TRIM44: variants seen among roughly 807,000 people sequenced by gnomAD.
TRIM44 encodes the protein tripartite motif-containing protein 44.
A neutral mutation model predicts 37.4 loss-of-function variants in TRIM44; 13 were observed. The observed-to-expected ratio is 0.35, with a 90% CI of 0.23 to 0.55. The LOEUF is 0.55. Among genes scored for constraint, TRIM44 ranks in the 20% least tolerant of loss-of-function variants. TRIM44 has a pLI of 0.89. For synonymous variants in TRIM44, 175 were observed against 157.2 expected, an observed-to-expected ratio of 1.11 and a Z score of -0.85; for missense variants, 426 against 437.2, an observed-to-expected ratio of 0.97 and a Z score of 0.23.
At chr11:35,799,630 T>C (rs1246546671) in intron 4 of TRIM44, among the ~76,000 whole-genome samples, 1 of 152,230 alleles carries the variant, frequency 6.6e-6, no homozygotes, top group East Asian at 1.9e-4. Context: ...TAGAGTCTGA[T>C]TGCTTAACCT....
chr11:35,704,238 C>T (rs192538082), intron 2 of TRIM44, among the ~76,000 whole-genome samples: 127 of 152,286 alleles, frequency 8.3e-4, no homozygotes, highest in African/African-American at 2.9e-3. Context: ...CGAACAAAGC[C>T]TCCATGAAAT....
At chr11:35,765,854 G>T (rs921077112) in intron 4 of TRIM44, among the ~76,000 whole-genome samples, 3 of 151,956 alleles carry the variant, frequency 2.0e-5, no homozygotes, top group Admixed American at 2.0e-4. Context: ...TTCTTCTTTG[G>T]TATAACTATG....
chr11:35,716,527 C>T (rs1852041152), intron 2 of TRIM44, among the ~76,000 whole-genome samples: 1 of 152,114 alleles, frequency 6.6e-6, no homozygotes. Flanking sequence ...TGCAGCCAGA[C>T]TGGTAAAGGG....
intron 1 of TRIM44, 64 bp downstream of exon 1, chr11:35,663,844 G>A: frequency 6.6e-7 from 1 of 1,518,976 alleles, no homozygotes; most frequent in South Asian, 1.3e-5. Context: ...AACTCAGGTG[G>A]CCTGGCTGTG....
At chr11:35,735,648 A>G (rs1852318880) in intron 4 of TRIM44, among the ~76,000 whole-genome samples, 1 of 152,180 alleles carries the variant, frequency 6.6e-6, no homozygotes, top group South Asian at 2.1e-4. Flanking sequence ...ACCTTCAGAT[A>G]AGTAACTTTG....
chr11:35,697,797 G>A (rs1343848382), intron 2 of TRIM44, among the ~76,000 whole-genome samples: 1 of 151,956 alleles, frequency 6.6e-6, no homozygotes, highest in Non-Finnish European at 1.5e-5. Context: ...CATTTTTTAT[G>A]GCTGCATAGT....
chr11:35,724,030 A>G (rs1399444276), intron 2 of TRIM44, among the ~76,000 whole-genome samples: 1 of 152,184 alleles, frequency 6.6e-6, no homozygotes. Context: ...CATTTAATAC[A>G]CTTTCCCATT....
rs1853593424 is a variant in TRIM44, at chr11:35,817,515, C to G, written c.*11130C>G. On this transcript the variant is annotated 3_prime_UTR_variant, in exon 5 of 5. Transcript: ENST00000299413. The stretch of plus-strand genomic sequence containing the variant: ...TGTTCCTCTAAGAGTCCCAAGTCAT[C>G]TTTTTTCTCTCCGTGTGTGTTAGCA... 1 of 152,084 alleles carries G rather than the reference C, an allele frequency of 6.6e-6. No individual in the cohort carries two copies. The highest frequency in any genetic ancestry group is 6.5e-5 in the Admixed American group (1 of 15,270). 9.4% of individuals were successfully genotyped at this position (152,084 alleles called of 1,614,324 possible).
chr11:35,743,834 A>C (rs1429479229), intron 4 of TRIM44, among the ~76,000 whole-genome samples: 2 of 152,202 alleles, frequency 1.3e-5, no homozygotes. Context: ...TGTCCATGAT[A>C]CCTTGGCGTG....
At chr11:35,735,700 T>C (rs966231067) in intron 4 of TRIM44, among the ~76,000 whole-genome samples, 1 of 152,160 alleles carries the variant, frequency 6.6e-6, no homozygotes, top group Non-Finnish European at 1.5e-5. Flanking sequence ...TTAAGAAGAA[T>C]AGGCACTACA....
chr11:35,671,400 T>G (rs1240098229), intron 1 of TRIM44, among the ~76,000 whole-genome samples: 1 of 152,196 alleles, frequency 6.6e-6, no homozygotes, highest in East Asian at 1.9e-4. Flanking sequence ...GAAATGACTT[T>G]GTGGGTGATT....
intron 4 of TRIM44, among the ~76,000 whole-genome samples, chr11:35,757,748 C>T (rs1056256424): frequency 4.6e-5 from 7 of 152,104 alleles, no homozygotes; most frequent in African/African-American, 1.4e-4. Context: ...GCTTTCATTT[C>T]GTTATGTACC....
At chr11:35,710,812 A>G (rs1018978601) in intron 2 of TRIM44, among the ~76,000 whole-genome samples, 3 of 152,210 alleles carry the variant, frequency 2.0e-5, no homozygotes, top group African/African-American at 7.2e-5. Context: ...AGTTTCTCCA[A>G]ATAATCAGCT....
chr11:35,762,404 A>G (rs566158908), intron 4 of TRIM44, among the ~76,000 whole-genome samples: 1 of 152,260 alleles, frequency 6.6e-6, no homozygotes, highest in South Asian at 2.1e-4. Context: ...TGGAGCTCTG[A>G]GTCAAGGTGA....
chr11:35,668,058 C>G (rs1456206142), intron 1 of TRIM44, among the ~76,000 whole-genome samples: 5 of 152,026 alleles, frequency 3.3e-5, no homozygotes, highest in African/African-American at 1.2e-4. Context: ...ATATTTCTTC[C>G]TATATTGATT....
chr11:35,790,796 G>T (rs1253171668), intron 4 of TRIM44, among the ~76,000 whole-genome samples: 1 of 152,154 alleles, frequency 6.6e-6, no homozygotes, highest in East Asian at 1.9e-4. Flanking sequence ...AATGCAGGTG[G>T]GGATAGCTTT....
chr11:35,795,972 C>A (rs533627777), intron 4 of TRIM44, among the ~76,000 whole-genome samples: 1 of 152,338 alleles, frequency 6.6e-6, no homozygotes, highest in South Asian at 2.1e-4. Context: ...AGCAGCTCTT[C>A]TGGTAGGTAC....
In TRIM44 at chr11:35,663,180, C is replaced by G; in HGVS notation, c.69C>G (p.Pro23=). ...ACGGCACGTGTGACGAGTGCGAGCC[C>G]GACGAGGCTCCGGGGGCCGAGGAAG... ...PHDGTCDECE[P]DEAPGAEEVC... is the part of the protein sequence containing the mutation. The change falls in exon 1 of 5, where the codon CCC becomes CCG. Residue 23 remains proline, a synonymous_variant. Coordinates refer to ENST00000299413, the MANE Select transcript of TRIM44 (RefSeq NM_017583.6). 1 of 1,578,810 alleles carries G rather than the reference C, an allele frequency of 6.3e-7. No individual in the cohort carries two copies. Among genetic ancestry groups the G allele is most frequent in the Non-Finnish European group, 8.6e-7 (1 of 1,162,410 alleles).
At chr11:35,665,903 A>AT (rs200469452) in intron 1 of TRIM44, among the ~76,000 whole-genome samples, 2,243 of 148,664 alleles carry the variant, frequency 0.015, 118 homozygotes, top group East Asian at 0.15. Flanking sequence ...TTTGTTTCTG[A>AT]TTTTTTTTGT....
Sources: gnomAD v4.1 joint callset for allele counts (sites outside exome capture counted in the v4.1 genomes callset) on GRCh38, gnomAD v4.1.1 for gene constraint, MANE v1.5 for transcripts, NCBI Gene and HGNC (gene_info 2026-07-23, HGNC 2026-07-21) for gene names.